Variants in MPHOSPH9 observed in about 807,000 individuals in gnomAD.
The protein encoded by MPHOSPH9 is M-phase phosphoprotein 9.
A neutral mutation model predicts 145.5 loss-of-function variants in MPHOSPH9; 88 were observed. The ratio of observed to expected loss-of-function variants is 0.60; its 90% CI spans 0.51 to 0.72. The LOEUF (loss-of-function observed/expected upper bound fraction) is 0.72. Ranked by LOEUF, MPHOSPH9 falls within the 30% of genes least tolerant of loss-of-function variation. The pLI, the probability that MPHOSPH9 is intolerant of heterozygous loss-of-function variation, is 0.00. For synonymous variants in MPHOSPH9, 435 were observed against 486.2 expected (o/e 0.89, Z 1.39); for missense variants, 1,238 against 1,386.6 (o/e 0.89, Z 1.70).
chr12:123,174,751 AC>A (rs1229550497), intron 16 of MPHOSPH9, among the ~76,000 whole-genome samples: 2 of 152,106 alleles, frequency 1.3e-5, no homozygotes, highest in Non-Finnish European at 2.9e-5. Context: ...TTTGATTTCC[AC>A]TTAGAATCGA....
downstream of MPHOSPH9, chr12:123,152,499 G>A (rs1459664998): frequency 2.2e-6 from 1 of 449,762 alleles, no homozygotes; most frequent in South Asian, 1.6e-5. Flanking sequence ...CACATTATCG[G>A]TCACTGTTAC....
At chr12:123,162,674 A>T in intron 20 of MPHOSPH9, 1 of 216,762 alleles carries the variant, frequency 4.6e-6, no homozygotes, top group Non-Finnish European at 8.9e-6. Flanking sequence ...TGCCAGGGCC[A>T]TACCAGTAAA....
intron 13 of MPHOSPH9, among the ~76,000 whole-genome samples, chr12:123,191,373 A>G (rs186408798): frequency 6.6e-6 from 1 of 152,214 alleles, no homozygotes; most frequent in Admixed American, 6.5e-5. Flanking sequence ...AGCAATGAAC[A>G]TACTCAGTAC....
chr12:123,223,824 T>C (rs1230619002), intron 3 of MPHOSPH9, among the ~76,000 whole-genome samples: 1 of 152,166 alleles, frequency 6.6e-6, no homozygotes, highest in Non-Finnish European at 1.5e-5. Context: ...AGCTCTCCAC[T>C]AAAAACTCGT....
intron 3 of MPHOSPH9, 147 bp from the exon 4 acceptor site, chr12:123,223,274 C>T (rs2047291999): frequency 4.6e-6 from 2 of 438,696 alleles, no homozygotes; most frequent in Non-Finnish European, 3.9e-6. Flanking sequence ...CTAGAGTATG[C>T]TGGCGCGCCA....
Position 123,172,871 on chromosome 12 carries a change from CTTTTTTTTTT to C in MPHOSPH9, c.2456+3807_2456+3816del, listed in dbSNP as rs1161727056. 1.7e-3 allele frequency among the ~76,000 whole-genome samples: 101 copies of C among 57,958 alleles called. 1 individual carries two copies. The highest frequency in any genetic ancestry group is 6.9e-3 in the Admixed American group (21 of 3,042). 38.0% of individuals were successfully genotyped at this position (57,958 alleles called of 152,430 possible). A position where few individuals can be genotyped will look rare whatever the true frequency, so the allele number is the denominator to read the frequency against. Reference sequence around the variant, plus strand: ...TGTTAGACTTTCAGGTTTTCATTCACTTTTTTTTTTTTTTTTTTTTTTTTTTTTGAGACAG... The same window carrying C: ...TGTTAGACTTTCAGGTTTTCATTCACTTTTTTTTTTTTTTTTTTGAGACAG... On this transcript the variant is annotated intron_variant, in intron 16 of 23. Coordinates refer to ENST00000606320, the MANE Select transcript of MPHOSPH9 (RefSeq NM_022782.4).
chr12:123,172,930 G>A (rs2044655631), intron 16 of MPHOSPH9, among the ~76,000 whole-genome samples: 1 of 137,410 alleles, frequency 7.3e-6, no homozygotes, highest in Non-Finnish European at 1.5e-5. Flanking sequence ...CACCCAGGCT[G>A]GAGTGCAGTG....
rs565848940 is a variant in MPHOSPH9 at position 123,191,627 on chromosome 12, C to T, written c.2241+2759G>A. On this transcript the variant is annotated intron_variant, in intron 13 of 23. Transcript: ENST00000606320. ...ATCTTAATGTCTGAATACCATTTTC[C>T]ATGAAAAGGAACCAGAACTCAACAG... Among the ~76,000 whole-genome samples the T allele has an allele frequency of 2.0e-5, 3 of 152,242 alleles. No homozygotes were observed. The East Asian group carries it at 5.8e-4, about 30-fold the overall frequency.
At chr12:123,184,259 C>G (rs1163957921) in intron 13 of MPHOSPH9, among the ~76,000 whole-genome samples, 4 of 151,984 alleles carry the variant, frequency 2.6e-5, no homozygotes, top group Non-Finnish European at 5.9e-5. Context: ...ACCTCCCCCT[C>G]CTCCACTGCC....
chr12:123,177,222 A>C (rs1355187214), intron 15 of MPHOSPH9, among the ~76,000 whole-genome samples: 8 of 151,818 alleles, frequency 5.3e-5, no homozygotes, highest in Admixed American at 3.3e-4. Context: ...TTTCATAGTA[A>C]AACATCACCA....
At chr12:123,213,917 T>C (rs2046850478) in intron 7 of MPHOSPH9, among the ~76,000 whole-genome samples, 1 of 152,070 alleles carries the variant, frequency 6.6e-6, no homozygotes, top group Non-Finnish European at 1.5e-5. Context: ...AGGAAGACAG[T>C]AGCAACCCAG....
intron 23 of MPHOSPH9, 186 bp downstream of exon 23, chr12:123,160,595 C>A (rs1220122398): frequency 3.9e-5 from 21 of 536,762 alleles, no homozygotes; most frequent in Middle Eastern, 8.7e-4. Flanking sequence ...AATTTTTATT[C>A]CTGAAAGCTA....
At chr12:123,163,783 C>A (rs1445992786) in intron 19 of MPHOSPH9, 167 bp downstream of exon 19, 2 of 654,528 alleles carry the variant, frequency 3.1e-6, no homozygotes, top group African/African-American at 3.6e-5. Flanking sequence ...TGTGATCAGA[C>A]AATTTTATTT....
Position 123,154,226 on chromosome 12 carries a change from T to C in MPHOSPH9, c.*2581A>G, listed in dbSNP as rs2043820064. 6.6e-6 allele frequency: 1 copy of C among 151,584 alleles called. No homozygotes were observed. The highest frequency in any genetic ancestry group is 1.5e-5 in the Non-Finnish European group (1 of 67,846). 9.4% of individuals were successfully genotyped at this position (151,584 alleles called of 1,614,324 possible). A position where few individuals can be genotyped will look rare whatever the true frequency, so the allele number is the denominator to read the frequency against. The stretch of plus-strand genomic sequence containing the variant: ...AGATTTGCTTAGGGTTTTTTTTTTT[T>C]TTTTCTTTTTAAACTATTAATACCT... On this transcript the variant is annotated 3_prime_UTR_variant, in exon 24 of 24. Coordinates refer to ENST00000606320, the MANE Select transcript of MPHOSPH9 (RefSeq NM_022782.4).
intron 8 of MPHOSPH9, among the ~76,000 whole-genome samples, chr12:123,205,417 G>A (rs980593230): frequency 3.9e-5 from 6 of 151,926 alleles, no homozygotes; most frequent in Admixed American, 1.3e-4. Flanking sequence ...GTGGTGGTGC[G>A]TGCCTGTAAT....
intron 16 of MPHOSPH9, among the ~76,000 whole-genome samples, chr12:123,167,219 AG>A (rs1242333662): frequency 6.6e-6 from 1 of 152,236 alleles, no homozygotes; most frequent in Non-Finnish European, 1.5e-5. Flanking sequence ...GTCACAAGTC[AG>A]GTGTCACTAC....
At chr12:123,193,104 T>TAC (rs1469310364) in intron 13 of MPHOSPH9, among the ~76,000 whole-genome samples, 2 of 102,164 alleles carry the variant, frequency 2.0e-5, no homozygotes, top group African/African-American at 7.9e-5. Flanking sequence ...AAAATATATA[T>TAC]ATATACACAC....
chr12:123,226,888 T>C (rs1166167076), intron 3 of MPHOSPH9, among the ~76,000 whole-genome samples: 1 of 152,122 alleles, frequency 6.6e-6, no homozygotes, highest in Non-Finnish European at 1.5e-5. Flanking sequence ...CCTCCCACCT[T>C]GGCCGCCTAA....
chr12:123,216,590 C>T (rs1256997427), intron 6 of MPHOSPH9, among the ~76,000 whole-genome samples: 2 of 151,978 alleles, frequency 1.3e-5, no homozygotes, highest in African/African-American at 2.4e-5. Context: ...GTGGCTCATG[C>T]TTGTAATCTC....
Sources: gnomAD v4.1 joint callset for allele counts (sites outside exome capture counted in the v4.1 genomes callset) on GRCh38, gnomAD v4.1.1 for gene constraint, MANE v1.5 for transcripts, NCBI Gene and HGNC (gene_info 2026-07-23, HGNC 2026-07-21) for gene names.